The following FAM186A variants were observed in gnomAD, a reference collection of about 807,000 sequenced individuals.
FAM186A encodes the protein protein FAM186A.
In FAM186A, 163 loss-of-function variants were observed where a neutral mutation model predicts 216.8. The observed-to-expected ratio is 0.75, with a 90% CI of 0.66 to 0.86. FAM186A has a LOEUF of 0.86. Ranked by LOEUF, FAM186A falls within the 40% of genes least tolerant of loss-of-function variation. FAM186A has a pLI of 0.00. For missense variants in FAM186A, 2,184 were observed against 2,746.2 expected (o/e 0.80, Z 4.58); for synonymous variants, 805 against 1,025.3 (o/e 0.79, Z 4.10).
At chr12:50,331,939 A>G in intron 5 of FAM186A, 118 bp from the exon 6 acceptor site, 1 of 852,380 alleles carries the variant, frequency 1.2e-6, no homozygotes, top group East Asian at 2.8e-5. Context: ...GGATTTGCAA[A>G]TCCTCTCCCT....
At position 50,351,479 on chromosome 12, in the gene FAM186A, C is replaced by T; in HGVS notation, c.5353G>A (p.Glu1785Lys). Residue 1785 changes from glutamate (E) to lysine (K), a missense_variant, in exon 4 of 8, where the codon GAG becomes AAG. Coordinates refer to ENST00000327337, the MANE Select transcript of FAM186A (RefSeq NM_001145475.3). ...TGTGGTGCCCCAAGCTTCCCAGGCT[C>T]AGAAAGAATCCCCATTTCTAGGGGC... ...GKPLEMGILSEPGKLGAPQTL... is the reference protein window; with the variant it reads ...GKPLEMGILSKPGKLGAPQTL... The T allele has an allele frequency of 6.7e-7, 1 of 1,482,968 alleles. No homozygotes were observed. Among genetic ancestry groups the T allele is most frequent in the Non-Finnish European group, 8.9e-7 (1 of 1,119,104 alleles). 91.9% of individuals were successfully genotyped at this position (1,482,968 alleles called of 1,614,324 possible).
At chr12:50,329,847 C>T (rs1273125755) in intron 7 of FAM186A, among the ~76,000 whole-genome samples, 3 of 152,156 alleles carry the variant, frequency 2.0e-5, no homozygotes, top group Admixed American at 1.3e-4. Context: ...CCACCCGCCT[C>T]GGCCTCCCAA....
chr12:50,338,579 T>C (rs1942733690), intron 4 of FAM186A, among the ~76,000 whole-genome samples: 1 of 152,196 alleles, frequency 6.6e-6, no homozygotes, highest in Non-Finnish European at 1.5e-5. Flanking sequence ...TTCTGGAAAT[T>C]TGAACCAAGA....
chr12:50,333,719 C>G (rs187462790), intron 5 of FAM186A, among the ~76,000 whole-genome samples, 192 bp downstream of exon 5: 1 of 152,142 alleles, frequency 6.6e-6, no homozygotes, highest in Non-Finnish European at 1.5e-5. Flanking sequence ...ACCCTGATTT[C>G]ACTAACTTCT....
At chr12:50,335,519 C>T (rs1213065353) in intron 4 of FAM186A, among the ~76,000 whole-genome samples, 1 of 151,952 alleles carries the variant, frequency 6.6e-6, no homozygotes, top group Admixed American at 6.6e-5. Flanking sequence ...TGGCAGGTGA[C>T]TGTAATCCCA....
intron 1 of FAM186A, among the ~76,000 whole-genome samples, chr12:50,382,166 C>A (rs1328246838): frequency 6.6e-6 from 1 of 150,716 alleles, no homozygotes; most frequent in Non-Finnish European, 1.5e-5. Flanking sequence ...CACTTGATGC[C>A]CATGGCTTTC....
At chr12:50,349,209 C>A (rs1942851029) in intron 4 of FAM186A, among the ~76,000 whole-genome samples, 1 of 151,466 alleles carries the variant, frequency 6.6e-6, no homozygotes, top group Non-Finnish European at 1.5e-5. Context: ...TGGTAACCAT[C>A]CTTCTCTTTT....
chr12:50,371,443 T>C lies in FAM186A; in HGVS notation c.193-8079A>G, dbSNP rs114448249. On this transcript the variant is annotated intron_variant, in intron 1 of 7. Coordinates refer to ENST00000327337, the MANE Select transcript of FAM186A (RefSeq NM_001145475.3). ...ACTTAATTTAATTTTAAAATATACA[T>C]AATAGAATGTTATTCAGCCTTAAAA... Among the ~76,000 whole-genome samples the C allele has an allele frequency of 5.6e-3, 858 of 152,202 alleles. 6 individuals carry two copies. Among genetic ancestry groups the C allele is most frequent in the African/African-American group, 0.02 (837 of 41,528 alleles).
At position 50,383,249 on chromosome 12, in the gene FAM186A, TAAAAAAAAAAAAA is replaced by T. The variant is rs1167515309; in HGVS notation, c.192+13031_192+13043del. 8.4e-3 allele frequency among the ~76,000 whole-genome samples: 87 copies of T among 10,366 alleles called. 1 individual carries two copies. Among genetic ancestry groups the T allele is most frequent in the East Asian group, 0.012 (4 of 334 alleles). The allele number at this position is 10,366 out of a possible 152,430, so 6.8% of individuals were successfully genotyped here. A position where few individuals can be genotyped will look rare whatever the true frequency, so the allele number is the denominator to read the frequency against. On this transcript the variant is annotated intron_variant, in intron 1 of 7. Transcript: ENST00000327337. ...CTGGGTGACAGAGCAAGACTCCGTC[TAAAAAAAAAAAAA>T]AAAAAAAAAAAAAAAAAGAGAGAGA...
Position 50,327,407 on chromosome 12 carries a change from G to A in FAM186A, c.7035-3C>T, listed in dbSNP as rs1942616239. On this transcript the variant is annotated splice_region_variant and splice_polypyrimidine_tract_variant and intron_variant, in intron 7 of 7. Coordinates refer to ENST00000327337, the MANE Select transcript of FAM186A (RefSeq NM_001145475.3). ...GTCATTTGGGAATCTTCTTAACCCT[G>A]GAAATGAGACAAGAAAATTAACCTC... 6.5e-7 allele frequency: 1 copy of A among 1,546,172 alleles called. No homozygotes were observed. Among genetic ancestry groups the A allele is most frequent in the Non-Finnish European group, 8.7e-7 (1 of 1,143,600 alleles).
intron 1 of FAM186A, among the ~76,000 whole-genome samples, chr12:50,385,901 CAA>C (rs553073707): frequency 8.1e-5 from 10 of 122,766 alleles, no homozygotes; most frequent in Non-Finnish European, 8.7e-5. Flanking sequence ...GACTCCATCT[CAA>C]AAAAAAAAAA....
chr12:50,340,895 C>A (rs190344063), intron 4 of FAM186A, among the ~76,000 whole-genome samples: 2 of 151,434 alleles, frequency 1.3e-5, no homozygotes, highest in Admixed American at 1.3e-4. Flanking sequence ...CTCCCGAGTT[C>A]AAGCGATTAT....
intron 4 of FAM186A, among the ~76,000 whole-genome samples, chr12:50,343,808 C>T (rs569797405): frequency 3.3e-5 from 5 of 152,138 alleles, no homozygotes; most frequent in Non-Finnish European, 5.9e-5. Context: ...TTAGTAGAGA[C>T]GGGGTTTCAC....
chr12:50,391,839 T>C (rs1347258478), intron 1 of FAM186A, among the ~76,000 whole-genome samples: 1 of 152,202 alleles, frequency 6.6e-6, no homozygotes, highest in East Asian at 1.9e-4. Context: ...TAGGTATTTA[T>C]TCCAGAGAAA....
chr12:50,364,023 G>A (rs899416417), intron 1 of FAM186A, among the ~76,000 whole-genome samples: 1 of 151,978 alleles, frequency 6.6e-6, no homozygotes, highest in African/African-American at 2.4e-5. Flanking sequence ...CCTCATATAT[G>A]GCACTTGGAA....
At chr12:50,356,796 C>G (rs752009321) in intron 3 of FAM186A, among the ~76,000 whole-genome samples, 1 of 152,142 alleles carries the variant, frequency 6.6e-6, no homozygotes, top group Non-Finnish European at 1.5e-5. Context: ...GTCAGGAATT[C>G]AAGACCAGCC....
At chr12:50,389,258 T>C (rs938492648) in intron 1 of FAM186A, among the ~76,000 whole-genome samples, 4 of 151,986 alleles carry the variant, frequency 2.6e-5, no homozygotes, top group Admixed American at 2.0e-4. Flanking sequence ...CCCAGCACTT[T>C]GGGAGGCCGA....
At chr12:50,329,595 A>G (rs562702525) in intron 7 of FAM186A, among the ~76,000 whole-genome samples, 2 of 148,378 alleles carry the variant, frequency 1.3e-5, no homozygotes, top group South Asian at 4.3e-4. Flanking sequence ...GTGAATTAAC[A>G]CTACTTTTTT....
chr12:50,345,616 A>G (rs1353982445), intron 4 of FAM186A, among the ~76,000 whole-genome samples: 1 of 151,932 alleles, frequency 6.6e-6, no homozygotes, highest in Non-Finnish European at 1.5e-5. Flanking sequence ...TCCTTTCCTC[A>G]TTGCTTGTTT....
Sources: allele counts gnomAD v4.1 joint callset (sites outside exome capture counted in the v4.1 genomes callset), GRCh38; gene constraint gnomAD v4.1.1; transcripts MANE v1.5; gene names NCBI Gene and HGNC (gene_info 2026-07-23, HGNC 2026-07-21).